SPAG1: variants seen among roughly 807,000 people sequenced by gnomAD.
SPAG1 encodes sperm-associated antigen 1.
In SPAG1, 69 loss-of-function variants were observed where a neutral mutation model predicts 100.5. That is an observed-to-expected ratio of 0.69 (90% CI 0.57 to 0.84). The LOEUF (loss-of-function observed/expected upper bound fraction) is 0.84. SPAG1 is among the 40% of genes least tolerant of loss of function. The pLI, the probability that SPAG1 is intolerant of heterozygous loss-of-function variation, is 0.00. For synonymous variants in SPAG1, 336 were observed against 411.6 expected (o/e 0.82, Z 2.22); for missense variants, 955 against 1,133.1 (o/e 0.84, Z 2.26).
intron 1 of SPAG1, among the ~76,000 whole-genome samples, 194 bp from the exon 2 acceptor site, chr8:100,162,085 C>G (rs1200211429): frequency 1.3e-5 from 2 of 152,108 alleles, no homozygotes; most frequent in Non-Finnish European, 2.9e-5. Flanking sequence ...TCCCAGCACT[C>G]TGGGAGGCTG....
intron 12 of SPAG1, among the ~76,000 whole-genome samples, chr8:100,217,915 T>G (rs1187563771): frequency 6.6e-6 from 1 of 152,200 alleles, no homozygotes; most frequent in African/African-American, 2.4e-5. Flanking sequence ...CCCAAGTAGC[T>G]GGGATTACAG....
intron 14 of SPAG1, among the ~76,000 whole-genome samples, chr8:100,230,436 C>T (rs149018551): frequency 4.1e-4 from 62 of 152,294 alleles, no homozygotes; most frequent in African/African-American, 1.5e-3. Flanking sequence ...GTGAGGGTTG[C>T]TAGTTCACAT....
At chr8:100,175,284 CTTTTT>C (rs1329134913) in intron 3 of SPAG1, among the ~76,000 whole-genome samples, 2 of 126,416 alleles carry the variant, frequency 1.6e-5, no homozygotes, top group African/African-American at 2.9e-5. Flanking sequence ...CAGTGAAGTT[CTTTTT>C]TTTTTTTTTT....
chr8:100,194,594 A>C (rs959254275), intron 10 of SPAG1: 4 of 459,494 alleles, frequency 8.7e-6, no homozygotes, highest in East Asian at 6.6e-5. Context: ...TGTTTTGTAT[A>C]TATCTACTTG....
intron 3 of SPAG1, among the ~76,000 whole-genome samples, chr8:100,174,410 T>C (rs920713198): frequency 6.6e-6 from 1 of 152,060 alleles, no homozygotes; most frequent in South Asian, 2.1e-4. Flanking sequence ...GGAGGAAGCA[T>C]AGGAGGTGTT....
chr8:100,236,345 G>A (rs1819005491), intron 16 of SPAG1, among the ~76,000 whole-genome samples: 1 of 152,216 alleles, frequency 6.6e-6, no homozygotes, highest in African/African-American at 2.4e-5. Flanking sequence ...GTCTCACTAT[G>A]TTGGCCAGGA....
Position 100,230,719 on chromosome 8 carries a change from G to C in SPAG1, c.1856-437G>C, listed in dbSNP as rs143812304. On this transcript the variant is annotated intron_variant, in intron 14 of 18. Transcript: ENST00000388798. ...GCTCACCACAACCTCTGCCTCCCAG[G>C]TTCAAGCACTTCTCCTGCCTCAGCC... Among the ~76,000 whole-genome samples the C allele has an allele frequency of 1.8e-4, 27 of 152,276 alleles. No homozygotes were observed. The East Asian group carries it at 2.9e-3, about 16-fold the overall frequency.
Position 100,239,277 on chromosome 8 carries a change from T to C in SPAG1, c.2153T>C (p.Ile718Thr). Residue 718 changes from isoleucine to threonine, a missense_variant, in exon 17 of 19, where the codon ATC (isoleucine) becomes ACC (threonine). Physicochemically the swap from Ile to Thr is moderately conservative, Grantham distance 89 (BLOSUM62 -1). Coordinates refer to ENST00000388798, the MANE Select transcript of SPAG1 (RefSeq NM_003114.5). The surrounding 1 kb of genome is among the most constrained non-coding windows in gnomAD (Gnocchi z 5.0). ...AGCTTAATTGATCTCAATAAAGTTA[T>C]CCTACTAGATCCAAGTATTATTGAG... is the stretch of plus-strand genomic sequence containing the variant. ...QKSLIDLNKV[I>T]LLDPSIIEAK... The C allele has an allele frequency of 1.3e-6, 2 of 1,527,688 alleles. No individual in the cohort carries two copies. The highest frequency in any genetic ancestry group is 1.8e-6 in the Non-Finnish European group (2 of 1,138,586). The allele number at this position is 1,527,688 out of a possible 1,614,324, so 94.6% of individuals were successfully genotyped here.
chr8:100,164,112 C>T (rs1255426608), intron 2 of SPAG1, among the ~76,000 whole-genome samples: 1 of 152,124 alleles, frequency 6.6e-6, no homozygotes, highest in Non-Finnish European at 1.5e-5. Context: ...AATTCTGTTC[C>T]TTGAGTGGTT....
At chr8:100,210,315 T>C (rs772178435) in intron 10 of SPAG1, among the ~76,000 whole-genome samples, 59 of 152,212 alleles carry the variant, frequency 3.9e-4, no homozygotes, top group Admixed American at 9.8e-4. Context: ...CATTGATTGA[T>C]TTTCTAATGC....
chr8:100,211,869 G>T (rs1446396958), intron 10 of SPAG1, among the ~76,000 whole-genome samples: 2 of 152,142 alleles, frequency 1.3e-5, no homozygotes, highest in Non-Finnish European at 2.9e-5. Flanking sequence ...TCAGACCCGA[G>T]GGGATACTGT....
intron 13 of SPAG1, among the ~76,000 whole-genome samples, chr8:100,224,848 T>G (rs923887269): frequency 2.0e-5 from 3 of 152,200 alleles, no homozygotes; most frequent in Non-Finnish European, 4.4e-5. Context: ...AGACATTTCT[T>G]CTAGGCCTCC....
intron 8 of SPAG1, among the ~76,000 whole-genome samples, chr8:100,189,112 A>G (rs1029332129): frequency 6.6e-6 from 1 of 151,510 alleles, no homozygotes; most frequent in African/African-American, 2.4e-5. Flanking sequence ...TGGGCAGATC[A>G]CCTGAGGTTA....
chr8:100,213,637 C>A (rs903292007), intron 11 of SPAG1, among the ~76,000 whole-genome samples, 182 bp from the exon 12 acceptor site: 5 of 152,226 alleles, frequency 3.3e-5, no homozygotes, highest in African/African-American at 1.2e-4. Context: ...GGCACGTTTG[C>A]CTCCGTCCCC....
chr8:100,236,087 C>T (rs1489927497), intron 16 of SPAG1, among the ~76,000 whole-genome samples: 1 of 152,078 alleles, frequency 6.6e-6, no homozygotes, highest in African/African-American at 2.4e-5. Context: ...GAAGCTGCAC[C>T]CTAATGAAAG....
intron 3 of SPAG1, among the ~76,000 whole-genome samples, chr8:100,176,703 A>G (rs1300300250): frequency 6.6e-6 from 1 of 152,152 alleles, no homozygotes; most frequent in African/African-American, 2.4e-5. Flanking sequence ...ACCCACATGA[A>G]GGCTGCATTT....
intron 11 of SPAG1, 92 bp downstream of exon 11, chr8:100,213,520 C>A: frequency 9.7e-7 from 1 of 1,026,020 alleles, no homozygotes; most frequent in Non-Finnish European, 1.3e-6. Flanking sequence ...CTGCCGCCTC[C>A]TGAATGACAG....
chr8:100,210,989 C>T (rs1817696122), intron 10 of SPAG1, among the ~76,000 whole-genome samples: 1 of 152,124 alleles, frequency 6.6e-6, no homozygotes, highest in Admixed American at 6.5e-5. Context: ...ATACCATGCC[C>T]AGCTAATTTT....
At chr8:100,162,196 AAG>A in intron 1 of SPAG1, 81 bp from the exon 2 acceptor site, 1 of 1,156,998 alleles carries the variant, frequency 8.6e-7, no homozygotes, top group Non-Finnish European at 1.2e-6. Flanking sequence ...AAAAAATACA[AAG>A]AAGTACCTAC....
Sources: allele counts gnomAD v4.1 joint callset (sites outside exome capture counted in the v4.1 genomes callset), GRCh38; gene constraint gnomAD v4.1.1; non-coding constraint Gnocchi (gnomAD v3.1); transcripts MANE v1.5; gene names NCBI Gene and HGNC (gene_info 2026-07-23, HGNC 2026-07-21).